The following SLC35F1 variants were observed in gnomAD, a reference collection of about 807,000 sequenced individuals.
SLC35F1 encodes the protein chromosome 6 open reading frame 169.
Under a neutral mutation model 48.7 loss-of-function variants are expected in SLC35F1, and 14 were observed. The ratio of observed to expected loss-of-function variants is 0.29; its 90% confidence interval spans 0.19 to 0.45. The LOEUF (loss-of-function observed/expected upper bound fraction) is 0.45, where lower values mean the gene tolerates loss of function less well. Among genes scored for constraint, SLC35F1 ranks in the 20% least tolerant of loss-of-function variants. The pLI is 1.00. For synonymous variants in SLC35F1, 190 were observed against 202.2 expected (o/e 0.94, Z 0.51); for missense variants, 404 against 500.0 (o/e 0.81, Z 1.83).
chr6:118,288,919 G>A (rs1372643609), intron 7 of SLC35F1, among the ~76,000 whole-genome samples: 3 of 152,098 alleles, frequency 2.0e-5, no homozygotes. Context: ...ACAATACCAG[G>A]ATGTTAACAC....
At chr6:117,922,497 A>G (rs1333392332) in intron 1 of SLC35F1, among the ~76,000 whole-genome samples, 2 of 152,246 alleles carry the variant, frequency 1.3e-5, no homozygotes, top group African/African-American at 2.4e-5. Flanking sequence ...GCTCTCAAGT[A>G]TACATATATT....
chr6:118,272,007 A>G (rs1423991325), intron 4 of SLC35F1, among the ~76,000 whole-genome samples: 3 of 152,210 alleles, frequency 2.0e-5, no homozygotes, highest in African/African-American at 7.2e-5. Context: ...AGTGATAGAG[A>G]TGTGATCAGA....
intron 2 of SLC35F1, among the ~76,000 whole-genome samples, chr6:118,196,867 A>G (rs1582724219): frequency 6.6e-6 from 1 of 152,236 alleles, no homozygotes; most frequent in Admixed American, 6.5e-5. Flanking sequence ...GATTTTTTGT[A>G]CATAGCCTAA....
chr6:118,282,642 G>T (rs1384994463), intron 6 of SLC35F1, among the ~76,000 whole-genome samples: 1 of 152,142 alleles, frequency 6.6e-6, no homozygotes, highest in Non-Finnish European at 1.5e-5. Flanking sequence ...TCAAAATGGA[G>T]CATTTTATTT....
At chr6:118,288,595 T>C (rs1776079833) in intron 7 of SLC35F1, among the ~76,000 whole-genome samples, 1 of 152,208 alleles carries the variant, frequency 6.6e-6, no homozygotes, top group South Asian at 2.1e-4. Context: ...AGTAGCAGGC[T>C]TCAGAGAGAA....
At chr6:117,966,912 C>G (rs1051598637) in intron 1 of SLC35F1, among the ~76,000 whole-genome samples, 17 of 152,186 alleles carry the variant, frequency 1.1e-4, no homozygotes, top group Non-Finnish European at 4.4e-5. Context: ...GGACACAATT[C>G]AGTGCATCAC....
intron 2 of SLC35F1, among the ~76,000 whole-genome samples, chr6:118,160,044 G>A (rs1476666327): frequency 1.3e-5 from 2 of 152,128 alleles, no homozygotes; most frequent in Non-Finnish European, 2.9e-5. Flanking sequence ...GTAAAGGCAG[G>A]ATGCTGAGGG....
Position 118,267,088 on chromosome 6 carries a change from G to T in SLC35F1, c.571G>T (p.Val191Phe). ...YKAVHFIGIV[V>F]CILGMGCMVG... ...GGCTGTGCATTTCATCGGCATCGTTGTCTGCATCCTGGGAATGGGCTGCAT... is the reference window on the plus strand; with the variant it reads ...GGCTGTGCATTTCATCGGCATCGTTTTCTGCATCCTGGGAATGGGCTGCAT... Residue 191 changes from valine to phenylalanine, a missense_variant, in exon 4 of 8, where the codon GTC becomes TTC. Physicochemically the swap from Val to Phe is conservative, Grantham distance 50. Transcript: ENST00000360388. The T allele has an allele frequency of 1.2e-6, 2 of 1,614,008 alleles. No homozygotes were observed. Among genetic ancestry groups the T allele is most frequent in the Non-Finnish European group, 1.7e-6 (2 of 1,179,928 alleles).
chr6:117,960,496 C>CTATG (rs1228433623), intron 1 of SLC35F1, among the ~76,000 whole-genome samples: 1 of 151,934 alleles, frequency 6.6e-6, no homozygotes, highest in Non-Finnish European at 1.5e-5. Context: ...TAGCAAGTTA[C>CTATG]TATGTATTTC....
intron 1 of SLC35F1, among the ~76,000 whole-genome samples, chr6:118,085,346 T>C (rs1772971497): frequency 1.3e-5 from 2 of 152,216 alleles, no homozygotes; most frequent in Admixed American, 1.3e-4. Context: ...CCTTGGATTT[T>C]CCTGGTGCAA....
chr6:118,140,434 A>C (rs372316426), intron 1 of SLC35F1, among the ~76,000 whole-genome samples: 3 of 152,214 alleles, frequency 2.0e-5, no homozygotes, highest in Admixed American at 6.5e-5. Context: ...TAGTGGTGTA[A>C]ACAAACTTCT....
rs969060017 is a variant in SLC35F1 at position 118,275,447 on chromosome 6, G to T, written c.638-12G>T. On this transcript the variant is annotated splice_polypyrimidine_tract_variant and intron_variant, in intron 4 of 7. Coordinates refer to ENST00000360388, the MANE Select transcript of SLC35F1 (RefSeq NM_001029858.4). ...GATGCTCCCTCTGTTTGTTTGTTTG[G>T]TTGGTTCCTAGGGGAAAATAAGCTG... 1.2e-6 allele frequency: 2 copies of T among 1,602,810 alleles called. No individual in the cohort carries two copies. The highest frequency in any genetic ancestry group is 2.2e-5 in the East Asian group (1 of 44,588).
intron 7 of SLC35F1, among the ~76,000 whole-genome samples, chr6:118,309,300 T>C (rs1776347689): frequency 2.0e-5 from 3 of 151,902 alleles, no homozygotes. Flanking sequence ...CTCAGCCTCC[T>C]GAGTAGCTAG....
At chr6:118,226,640 A>G (rs961856795) in intron 2 of SLC35F1, among the ~76,000 whole-genome samples, 4 of 152,190 alleles carry the variant, frequency 2.6e-5, no homozygotes, top group East Asian at 1.9e-4. Flanking sequence ...TCACTCATAC[A>G]TGGAACCTCA....
intron 2 of SLC35F1, among the ~76,000 whole-genome samples, chr6:118,203,944 T>G (rs1165951075): frequency 1.3e-5 from 2 of 152,100 alleles, no homozygotes; most frequent in African/African-American, 4.8e-5. Context: ...TCATGGAGAA[T>G]TATATACTAG....
At chr6:118,064,069 C>T (rs1049580035) in intron 1 of SLC35F1, among the ~76,000 whole-genome samples, 70 of 152,240 alleles carry the variant, frequency 4.6e-4, no homozygotes, top group African/African-American at 1.5e-3. Flanking sequence ...GGGGAGGCCT[C>T]ACAGTCATGG....
intron 1 of SLC35F1, among the ~76,000 whole-genome samples, chr6:118,144,050 C>G (rs1562303921): frequency 6.6e-6 from 1 of 152,238 alleles, no homozygotes; most frequent in East Asian, 1.9e-4. Context: ...AGACCTAGAA[C>G]CAGAACTACC....
At chr6:118,276,298 A>T (rs1242530720) in intron 5 of SLC35F1, among the ~76,000 whole-genome samples, 1 of 152,234 alleles carries the variant, frequency 6.6e-6, no homozygotes, top group African/African-American at 2.4e-5. Flanking sequence ...TTTTAGCTTC[A>T]TGAAAGACAT....
At chr6:117,907,984 A>G (rs575827274) in intron 1 of SLC35F1, 85 bp downstream of exon 1, 1 of 1,217,442 alleles carries the variant, frequency 8.2e-7, no homozygotes, top group East Asian at 3.3e-5. Flanking sequence ...GGGGCGGCCC[A>G]CGGGTCCTTT....
Sources: gnomAD v4.1 joint callset for allele counts (sites outside exome capture counted in the v4.1 genomes callset) on GRCh38, gnomAD v4.1.1 for gene constraint, MANE v1.5 for transcripts, NCBI Gene and HGNC (gene_info 2026-07-23, HGNC 2026-07-21) for gene names.